The following DHRSX variants were observed in gnomAD, a reference collection of about 807,000 sequenced individuals.
DHRSX encodes the protein polyprenol dehydrogenase.
A neutral mutation model predicts 34.0 loss-of-function variants in DHRSX; 31 were observed. The observed-to-expected ratio is 0.91, with a 90% confidence interval of 0.69 to 1.23. The LOEUF is 1.23. Ranked by LOEUF, DHRSX falls within the 50% of genes most tolerant of loss-of-function variation. The pLI, the probability that DHRSX is intolerant of heterozygous loss-of-function variation, is 0.00. For synonymous variants in DHRSX, 201 were observed against 183.8 expected (o/e 1.09, Z -0.76); for missense variants, 414 against 428.1 (o/e 0.97, Z 0.29).
chrX:2,246,513 C>G (rs192770021), intron 5 of DHRSX, among the ~76,000 whole-genome samples: 2 of 151,828 alleles, frequency 1.3e-5, no homozygotes, highest in Admixed American at 1.3e-4. Context: ...GACCCAACTA[C>G]TTGGGAGGCT....
At chrX:2,248,856 C>T (rs1226115389) in intron 5 of DHRSX, among the ~76,000 whole-genome samples, 2 of 152,156 alleles carry the variant, frequency 1.3e-5, no homozygotes, top group African/African-American at 2.4e-5. Flanking sequence ...TATTCCTACA[C>T]GGATTTCGTT....
chrX:2,345,839 C>T (rs1207605250), intron 3 of DHRSX, among the ~76,000 whole-genome samples: 1 of 152,136 alleles, frequency 6.6e-6, no homozygotes, highest in Non-Finnish European at 1.5e-5. Flanking sequence ...ATCAGCTCCT[C>T]CCTGGGTCTC....
intron 1 of DHRSX, among the ~76,000 whole-genome samples, chrX:2,449,640 C>T (rs1368595997): frequency 2.0e-5 from 3 of 151,986 alleles, no homozygotes; most frequent in African/African-American, 4.8e-5. Context: ...TGACCACACA[C>T]GCGTGCCACC....
At chrX:2,425,154 A>AC (rs758658402) in intron 2 of DHRSX, 43 bp downstream of exon 2, 39 of 1,516,966 alleles carry the variant, frequency 2.6e-5, no homozygotes, top group Non-Finnish European at 3.2e-5. Context: ...AAAAAAAAAA[A>AC]ACCGAAAAAA....
intron 1 of DHRSX, among the ~76,000 whole-genome samples, chrX:2,485,631 G>A (rs2044874825): frequency 9.5e-6 from 1 of 105,380 alleles, no homozygotes; most frequent in African/African-American, 3.9e-5. Flanking sequence ...AAGGAGGGAG[G>A]GAGGAGAGGG....
At chrX:2,367,821 C>T (rs963739340) in intron 3 of DHRSX, among the ~76,000 whole-genome samples, 12 of 152,150 alleles carry the variant, frequency 7.9e-5, no homozygotes, top group Middle Eastern at 3.4e-3. Flanking sequence ...TTATTCTCTG[C>T]GTCTTTCAAA....
rs2043591451 is a variant in DHRSX at position 2,408,824 on chromosome X, A to T, written c.218-11T>A. On this transcript the variant is annotated splice_polypyrimidine_tract_variant and intron_variant, in intron 2 of 6. Coordinates refer to ENST00000334651, the MANE Select transcript of DHRSX (RefSeq NM_145177.3). Reference sequence around the variant, plus strand: ...TGTCATTATTTCCAGCTAAAAGGAAAAAGAAAAAAAAGATACGGTGACTTG... The same window carrying T: ...TGTCATTATTTCCAGCTAAAAGGAATAAGAAAAAAAAGATACGGTGACTTG... The T allele has an allele frequency of 6.2e-7, 1 of 1,602,338 alleles. No individual in the cohort carries two copies. Among genetic ancestry groups the T allele is most frequent in the Non-Finnish European group, 8.5e-7 (1 of 1,174,450 alleles).
At chrX:2,491,949 T>C (rs1052655119) in intron 1 of DHRSX, among the ~76,000 whole-genome samples, 1 of 152,200 alleles carries the variant, frequency 6.6e-6, no homozygotes, top group Non-Finnish European at 1.5e-5. Flanking sequence ...TGTGACTGGG[T>C]TGCCCAAAAT....
intron 3 of DHRSX, among the ~76,000 whole-genome samples, chrX:2,352,772 C>A (rs374908065): frequency 9.2e-4 from 140 of 152,278 alleles, no homozygotes; most frequent in African/African-American, 3.2e-3. Context: ...GCAAATAAAA[C>A]AGACCTACAA....
At chrX:2,420,333 G>A (rs769338009) in intron 2 of DHRSX, among the ~76,000 whole-genome samples, 48 of 152,016 alleles carry the variant, frequency 3.2e-4, no homozygotes, top group Admixed American at 8.5e-4. Flanking sequence ...GCTTCAACCC[G>A]GGAGGCAGAG....
chrX:2,416,986 G>T (rs2124643333), intron 2 of DHRSX, among the ~76,000 whole-genome samples: 1 of 152,066 alleles, frequency 6.6e-6, no homozygotes, highest in Admixed American at 6.6e-5. Context: ...CATACAAAAT[G>T]AAAAAATGCC....
intron 3 of DHRSX, among the ~76,000 whole-genome samples, chrX:2,336,604 G>GT (rs111267342): frequency 0.16 from 22,800 of 143,210 alleles, 2,175 homozygotes; most frequent in Admixed American, 0.23. Flanking sequence ...TTTTTGTTTT[G>GT]TTTTTTTTTT....
At chrX:2,459,348 C>T (rs1421248938) in intron 1 of DHRSX, among the ~76,000 whole-genome samples, 1 of 151,608 alleles carries the variant, frequency 6.6e-6, no homozygotes, top group African/African-American at 2.4e-5. Flanking sequence ...TGTAAATTAG[C>T]TTGTTAATAT....
intron 3 of DHRSX, among the ~76,000 whole-genome samples, chrX:2,393,474 C>T (rs867969909): frequency 1.4e-5 from 2 of 140,712 alleles, no homozygotes; most frequent in Non-Finnish European, 1.6e-5. Flanking sequence ...CAGGGACCTC[C>T]CCATCTCCTG....
chrX:2,310,350 C>T (rs1326054034), intron 3 of DHRSX, among the ~76,000 whole-genome samples: 3 of 152,104 alleles, frequency 2.0e-5, no homozygotes, highest in Non-Finnish European at 4.4e-5. Flanking sequence ...TCACCCCCTG[C>T]GTCTCTCATT....
intron 3 of DHRSX, among the ~76,000 whole-genome samples, chrX:2,359,276 TTC>T (rs1333389490): frequency 3.3e-5 from 5 of 152,200 alleles, no homozygotes; most frequent in African/African-American, 1.2e-4. Flanking sequence ...ACATCAATCA[TTC>T]TGTCATAAAG....
intron 1 of DHRSX, chrX:2,488,350 T>C (rs1055084621): frequency 2.0e-5 from 8 of 393,904 alleles, no homozygotes; most frequent in African/African-American, 1.4e-4. Flanking sequence ...AATTTTTGTA[T>C]TTTTAGTAGA....
chrX:2,345,689 C>G (rs2042699746), intron 3 of DHRSX, among the ~76,000 whole-genome samples: 3 of 149,114 alleles, frequency 2.0e-5, no homozygotes, highest in South Asian at 4.2e-4. Context: ...AATCAGTACA[C>G]TTTGAGTAAA....
chrX:2,449,389 G>A (rs1031130541), intron 1 of DHRSX, among the ~76,000 whole-genome samples: 1 of 152,152 alleles, frequency 6.6e-6, no homozygotes, highest in South Asian at 2.1e-4. Context: ...TACATGCAAG[G>A]TGCACTGAGA....
Sources: gnomAD v4.1 joint callset for allele counts (sites outside exome capture counted in the v4.1 genomes callset) on GRCh38, gnomAD v4.1.1 for gene constraint, MANE v1.5 for transcripts, NCBI Gene and HGNC (gene_info 2026-07-23, HGNC 2026-07-21) for gene names.